RECQL4: variants seen among roughly 807,000 people sequenced by gnomAD.
RECQL4 encodes ATP-dependent DNA helicase Q4.
In RECQL4, 158 loss-of-function variants were observed where a neutral mutation model predicts 128.6. That is an observed-to-expected ratio of 1.23 (90% CI 1.08 to 1.40). The LOEUF is 1.40. Among genes scored for constraint, RECQL4 ranks in the 40% most tolerant of loss-of-function variants. The pLI is 0.00. For synonymous variants in RECQL4, 996 were observed against 678.9 expected (o/e 1.47, Z -7.26); for missense variants, 2,293 against 1,649.8 (o/e 1.39, Z -6.75).
rs773864273 is a variant in RECQL4 at position 144,513,319 on chromosome 8, G to T, written c.2362C>A (p.His788Asn). The T allele has an allele frequency of 3.7e-6, 6 of 1,602,358 alleles. No individual in the cohort carries two copies. Among genetic ancestry groups the T allele is most frequent in the Non-Finnish European group, 5.1e-6 (6 of 1,179,514 alleles). Residue 788 changes from histidine to asparagine, a missense_variant, in exon 14 of 21, where the codon CAT (histidine) becomes AAT (asparagine). By Grantham distance (68) the His-to-Asn change is moderately conservative (BLOSUM62 1). Coordinates refer to ENST00000617875, the MANE Select transcript of RECQL4 (RefSeq NM_004260.4). ...LDRPDVRAVLHLGLPPSFESY... is the reference protein window; with the variant it reads ...LDRPDVRAVLNLGLPPSFESY... ...TCGAAGCTTGGGGGCAGCCCCAGAT[G>T]CAGCACAGCCCGCACATCTGGCCGG...
In RECQL4 at chr8:144,513,453, G is replaced by A. The variant is rs781675349; in HGVS notation, c.2228C>T (p.Ala743Val). 3.7e-6 allele frequency: 6 copies of A among 1,609,690 alleles called. No individual in the cohort carries two copies. Among genetic ancestry groups the A allele is most frequent in the Non-Finnish European group, 5.1e-6 (6 of 1,179,802 alleles). Residue 743 changes from alanine (A) to valine (V), a missense_variant, in exon 14 of 21, where the codon GCC becomes GTC. By Grantham distance (64) the Ala-to-Val change is moderately conservative (BLOSUM62 0). Transcript: ENST00000617875. ...GGRAPKTTAE[A>V]YHAGMCSRER... ...CCGGCTGCACATGCCCGCGTGGTAG[G>A]CCTCGGCTGTGGTTTTGGGGGCACG...
chr8:144,516,882 G>A (rs1425892650), intron 4 of RECQL4, 118 bp from the exon 5 acceptor site: 27 of 1,376,848 alleles, frequency 2.0e-5, no homozygotes, highest in Middle Eastern at 3.7e-4. Flanking sequence ...CACAAGGCTG[G>A]ACTAGAAAGG....
At position 144,516,033 on chromosome 8, in the gene RECQL4, G is replaced by C. The variant is rs1828136142; in HGVS notation, c.1086C>G (p.His362Gln). 2 of 1,611,796 alleles carry C rather than the reference G, an allele frequency of 1.2e-6. No individual in the cohort carries two copies. The highest frequency in any genetic ancestry group is 1.3e-5 in the African/African-American group (1 of 75,030). Residue 362 changes from histidine to glutamine, a missense_variant, in exon 5 of 21, where the codon CAC becomes CAG. Physicochemically the swap from His to Gln is conservative, Grantham distance 24. Transcript: ENST00000617875. ...NYVRLNMKQK[H>Q]YVRGRALRSR... ...TACGGAGTGCCCGGCCCCGCACGTAGTGTTTCTGCTTCATGTTGAGCCGTA... is the reference window on the plus strand; with the variant it reads ...TACGGAGTGCCCGGCCCCGCACGTACTGTTTCTGCTTCATGTTGAGCCGTA...
rs1827852857 is a variant in RECQL4 at position 144,514,434 on chromosome 8, G to A, written c.1704+8C>T. The A allele has an allele frequency of 6.2e-7, 1 of 1,610,970 alleles. No homozygotes were observed. The highest frequency in any genetic ancestry group is 8.5e-7 in the Non-Finnish European group (1 of 1,178,798). ...CCTCCCTCACCCCTAGGCCCATGAG[G>A]CCCCCACCTTCTGCAGGACAGATTC... On this transcript the variant is annotated splice_region_variant and intron_variant, in intron 10 of 20. Transcript: ENST00000617875.
At chr8:144,517,343 C>G in intron 3 of RECQL4, 71 bp downstream of exon 3, 1 of 1,482,602 alleles carries the variant, frequency 6.7e-7, no homozygotes, top group Admixed American at 2.1e-5. Flanking sequence ...GGCCTGGCCG[C>G]GACTCCGTGG....
At position 144,511,964 on chromosome 8, in the gene RECQL4, G is replaced by C. The variant is rs868635592; in HGVS notation, c.3340C>G (p.Gln1114Glu). 1 of 1,611,396 alleles carries C rather than the reference G, an allele frequency of 6.2e-7. No homozygotes were observed. The highest frequency in any genetic ancestry group is 8.5e-7 in the Non-Finnish European group (1 of 1,179,732). The change falls in exon 19 of 21, where the codon CAG (glutamine) becomes GAG (glutamate). Residue 1114 changes from glutamine (Q) to glutamate (E), a missense_variant. Transcript: ENST00000617875. ...LGRYFEEEEG[Q>E]EPGGMEDAQG... is the part of the protein sequence containing the mutation. ...GCGTCCTCCATGCCTCCCGGCTCCTGCCCTTCCTCTTCCTCAAAGTAGCGG... is the reference window on the plus strand; with the variant it reads ...GCGTCCTCCATGCCTCCCGGCTCCTCCCCTTCCTCTTCCTCAAAGTAGCGG...
rs757292188 is a variant in RECQL4 at position 144,511,533 on chromosome 8, C to G, written c.3525G>C (p.Gln1175His). Residue 1175 changes from glutamine to histidine, a missense_variant, in exon 21 of 21, where the codon CAG becomes CAC. Gln to His is a conservative substitution (Grantham distance 24). Transcript: ENST00000617875. ...HGIGSPCYPAQVYGQDRRFWR... is the reference protein window; with the variant it reads ...HGIGSPCYPAHVYGQDRRFWR... ...AGAAGCGTCGGTCCTGCCCGTACAC[C>G]TGGGCCGGGTAGCAGGGGCTTCCTA... is the stretch of plus-strand genomic sequence containing the variant. 6.2e-7 allele frequency: 1 copy of G among 1,612,492 alleles called. No homozygotes were observed. Among genetic ancestry groups the G allele is most frequent in the Non-Finnish European group, 8.5e-7 (1 of 1,179,694 alleles).
chr8:144,515,578 T>A, intron 6 of RECQL4, 121 bp from the exon 7 acceptor site: 1 of 1,521,036 alleles, frequency 6.6e-7, no homozygotes, highest in Non-Finnish European at 9.0e-7. Context: ...CTGGGCTACT[T>A]TTTCCAAAGC....
rs764495113 is a variant in RECQL4 at position 144,514,916 on chromosome 8, C to T, written c.1620+20G>A. 6.2e-7 allele frequency: 1 copy of T among 1,609,754 alleles called. No homozygotes were observed. On this transcript the variant is annotated intron_variant, in intron 9 of 20. Coordinates refer to ENST00000617875, the MANE Select transcript of RECQL4 (RefSeq NM_004260.4). ...CTGGTTCTTGGCTGTGTACGTGTGC[C>T]CAGGGCCCTGTGTGCACACCTGGTC...
rs368979398 is a variant in RECQL4, at chr8:144,516,011, G to A, written c.1108C>T (p.Arg370Cys). ...ACCTGCTTGCGGAGGAGCCTGCTACGGAGTGCCCGGCCCCGCACGTAGTGT... is the reference window on the plus strand; with the variant it reads ...ACCTGCTTGCGGAGGAGCCTGCTACAGAGTGCCCGGCCCCGCACGTAGTGT... ...QKHYVRGRAL[R>C]SRLLRKQAWK... Residue 370 changes from arginine to cysteine, a missense_variant, in exon 5 of 21, where the codon CGT becomes TGT. By Grantham distance (180) the Arg-to-Cys change is radical (BLOSUM62 -3). Coordinates refer to ENST00000617875, the MANE Select transcript of RECQL4 (RefSeq NM_004260.4). 6.6e-5 allele frequency: 107 copies of A among 1,609,812 alleles called. No individual in the cohort carries two copies. The highest frequency in any genetic ancestry group is 1.6e-4 in the Middle Eastern group (1 of 6,074).
At position 144,514,283 on chromosome 8, in the gene RECQL4, T is replaced by G. The variant is rs762566552; in HGVS notation, c.1784A>C (p.Gln595Pro). ...GCAGGCAAAAGCAACTGGAGGCAGC[T>G]GTGCGGCTGGAGGGAGGCCTCCCGC... ...VGAGGLPPAA[Q>P]LPPVAFACID... The change falls in exon 11 of 21, where the codon CAG becomes CCG. Residue 595 changes from glutamine to proline, a missense_variant. Physicochemically the swap from Gln to Pro is moderately conservative, Grantham distance 76. Coordinates refer to ENST00000617875, the MANE Select transcript of RECQL4 (RefSeq NM_004260.4). 25 of 1,611,660 alleles carry G rather than the reference T, an allele frequency of 1.6e-5. No homozygotes were observed. Among genetic ancestry groups the G allele is most frequent in the Admixed American group, 3.3e-5 (2 of 59,934 alleles).
rs756512101 is a variant in RECQL4 at position 144,515,354 on chromosome 8, G to A, written c.1362C>T (p.Tyr454=). ...PSLDPTVLPL[Y]SLGPSGQLAE... Reference sequence around the variant, plus strand: ...CCAACTGCCCTGAGGGCCCCAGGGAGTAGAGTGGCAGCACGGTGGGGTCCA... The same window carrying A: ...CCAACTGCCCTGAGGGCCCCAGGGAATAGAGTGGCAGCACGGTGGGGTCCA... Residue 454 remains tyrosine (Y), a synonymous_variant, in exon 7 of 21, where the codon TAC becomes TAT. Transcript: ENST00000617875. 6 of 1,612,786 alleles carry A rather than the reference G, an allele frequency of 3.7e-6. No individual in the cohort carries two copies. The South Asian group carries it at 4.4e-5, about 12-fold the overall frequency.
chr8:144,516,422 C>T lies in RECQL4; in HGVS notation c.697G>A (p.Gly233Ser), dbSNP rs1815011192. 6.2e-7 allele frequency: 1 copy of T among 1,609,210 alleles called. No homozygotes were observed. ...GCTGAAGCCTCTGGGCCCTGGGAGC[C>T]AGCACCAGGACCAAGGACAGCCGAC... ...GESAVLGPGA[G>S]SQGPEASAFQ... The change falls in exon 5 of 21, where the codon GGC (glycine) becomes AGC (serine). Residue 233 changes from glycine to serine, a missense_variant. Coordinates refer to ENST00000617875, the MANE Select transcript of RECQL4 (RefSeq NM_004260.4).
At chr8:144,515,689 T>C in intron 6 of RECQL4, 75 bp downstream of exon 6, 4 of 1,560,582 alleles carry the variant, frequency 2.6e-6, no homozygotes, top group Non-Finnish European at 3.5e-6. Flanking sequence ...GCTTGGAACA[T>C]AAGTGTCCCC....
intron 6 of RECQL4, 126 bp from the exon 7 acceptor site, chr8:144,515,583 C>T (rs1360172811): frequency 1.2e-5 from 18 of 1,513,286 alleles, no homozygotes; most frequent in Non-Finnish European, 1.6e-5. Context: ...CTACTTTTTC[C>T]AAAGCAGAAA....
At position 144,511,952 on chromosome 8, in the gene RECQL4, C is replaced by T. The variant is rs773909942; in HGVS notation, c.3352G>A (p.Gly1118Ser). The change falls in exon 19 of 21, where the codon GGC becomes AGC. Residue 1118 changes from glycine (G) to serine (S), a missense_variant. Gly to Ser is a moderately conservative substitution (Grantham distance 56, BLOSUM62 0). Transcript: ENST00000617875. ...TCGGGGCCCTGTGCGTCCTCCATGC[C>T]TCCCGGCTCCTGCCCTTCCTCTTCC... ...FEEEEGQEPG[G>S]MEDAQGPEPG... 20 of 1,611,476 alleles carry T rather than the reference C, an allele frequency of 1.2e-5. No homozygotes were observed. The highest frequency in any genetic ancestry group is 1.7e-5 in the Admixed American group (1 of 59,976).
intron 6 of RECQL4, 41 bp from the exon 7 acceptor site, chr8:144,515,498 G>A (rs747435973): frequency 9.9e-6 from 16 of 1,611,650 alleles, no homozygotes; most frequent in African/African-American, 2.7e-5. Context: ...GCTCCAGGTC[G>A]GGCAAGACAA....
rs567959067 is a variant in RECQL4, at chr8:144,516,438, G to A, written c.681C>T (p.Val227=). The change falls in exon 5 of 21, where the codon GTC becomes GTT. Residue 227 remains valine, a synonymous_variant. Coordinates refer to ENST00000617875, the MANE Select transcript of RECQL4 (RefSeq NM_004260.4). The part of the protein sequence containing the change: ...SQLLIPGESA[V]LGPGAGSQGP... Reference sequence around the variant, plus strand: ...CCTGGGAGCCAGCACCAGGACCAAGGACAGCCGACTCACCAGGGATCAGAA... The same window carrying A: ...CCTGGGAGCCAGCACCAGGACCAAGAACAGCCGACTCACCAGGGATCAGAA... 131 of 1,609,014 alleles carry A rather than the reference G, an allele frequency of 8.1e-5. No homozygotes were observed. The highest frequency in any genetic ancestry group is 9.9e-5 in the Non-Finnish European group (117 of 1,179,798).
Position 144,513,325 on chromosome 8 carries a change from C to T in RECQL4, c.2356G>A (p.Val786Met). The stretch of plus-strand genomic sequence containing the variant: ...CTTGGGGGCAGCCCCAGATGCAGCA[C>T]AGCCCGCACATCTGGCCGGTCCAGC... ...MGLDRPDVRA[V>M]LHLGLPPSFE... Residue 786 changes from valine to methionine, a missense_variant, in exon 14 of 21, where the codon GTG becomes ATG. Val to Met is a conservative substitution (Grantham distance 21, BLOSUM62 1). Transcript: ENST00000617875. 2 of 1,602,900 alleles carry T rather than the reference C, an allele frequency of 1.2e-6. No individual in the cohort carries two copies. The highest frequency in any genetic ancestry group is 2.2e-5 in the East Asian group (1 of 44,862).
Sources: gnomAD v4.1 joint callset for allele counts on GRCh38, gnomAD v4.1.1 for gene constraint, MANE v1.5 for transcripts, NCBI Gene and HGNC (gene_info 2026-07-23, HGNC 2026-07-21) for gene names.